Variants in CXCL5 observed in about 807,000 individuals in gnomAD.
CXCL5 encodes C-X-C motif chemokine 5.
Under a neutral mutation model 12.1 loss-of-function variants are expected in CXCL5, and 13 were observed. The observed-to-expected ratio is 1.08, with a 90% CI of 0.70 to 1.71. The LOEUF is 1.71. Among genes scored for constraint, CXCL5 ranks in the 40% most tolerant of loss-of-function variants. The probability of loss-of-function intolerance (pLI) is 0.00; values close to 1 mark genes in which losing one functional copy is unlikely to be tolerated. For synonymous variants in CXCL5, 67 were observed against 59.0 expected (o/e 1.14, Z -0.62); for missense variants, 159 against 142.4 (o/e 1.12, Z -0.59).
At position 73,998,505 on chromosome 4, in the gene CXCL5, A is replaced by T; in HGVS notation, c.77T>A (p.Leu26Gln). 1 of 1,597,890 alleles carries T rather than the reference A, an allele frequency of 6.3e-7. No homozygotes were observed. The highest frequency in any genetic ancestry group is 8.5e-7 in the Non-Finnish European group (1 of 1,171,842). Residue 26 changes from leucine to glutamine, a missense_variant, in exon 1 of 4, where the codon CTG becomes CAG. By Grantham distance (113) the Leu-to-Gln change is moderately radical. Transcript: ENST00000296027. ...SSLCALLVLL[L>Q]LLTQPGPIAS... The stretch of plus-strand genomic sequence containing the variant: ...GATGGGCCCTGGCTGCGTCAGCAGC[A>T]GCAGCAGCACCAACAGCGCGCACAA...
chr4:73,997,912 G>T, intron 3 of CXCL5, 100 bp downstream of exon 3: 1 of 1,118,918 alleles, frequency 8.9e-7, no homozygotes, highest in Non-Finnish European at 1.3e-6. Context: ...TTCTAAACAT[G>T]AAAAGTGTTA....
intron 3 of CXCL5, 132 bp from the exon 4 acceptor site, chr4:73,997,787 C>T: frequency 1.3e-6 from 1 of 797,662 alleles, no homozygotes; most frequent in Non-Finnish European, 2.0e-6. Context: ...AATGGGTAAA[C>T]AAAAAACATA....
rs185169235 is a variant in CXCL5 at position 73,998,646 on chromosome 4, A to C, written c.-65T>G. The C allele has an allele frequency of 1.0e-4, 145 of 1,405,656 alleles. No homozygotes were observed. The East Asian group carries it at 3.2e-3, about 31-fold the overall frequency. The allele number at this position is 1,405,656 out of a possible 1,614,324, so 87.1% of individuals were successfully genotyped here. ...AACTGGGTGGAGGAGCGGAGATTGGAGGAGCGAAGATTGGAGGATCCGGAG... is the reference window on the plus strand; with the variant it reads ...AACTGGGTGGAGGAGCGGAGATTGGCGGAGCGAAGATTGGAGGATCCGGAG... On this transcript the variant is annotated 5_prime_UTR_variant, in exon 1 of 4. Coordinates refer to ENST00000296027, the MANE Select transcript of CXCL5 (RefSeq NM_002994.5).
Position 73,998,548 on chromosome 4 carries a change from G to C in CXCL5, c.34C>G (p.Pro12Ala). The change falls in exon 1 of 4, where the codon CCC becomes GCC. Residue 12 changes from proline (P) to alanine (A), a missense_variant. Physicochemically the swap from Pro to Ala is conservative, Grantham distance 27 (BLOSUM62 -1). Transcript: ENST00000296027. Reference sequence around the variant, plus strand: ...GCGCACAAGGAGCTCGAAGGACCGGGGACACGGGCCGCGCGGCTGGACAGG... The same window carrying C: ...GCGCACAAGGAGCTCGAAGGACCGGCGACACGGGCCGCGCGGCTGGACAGG... ...SLLSSRAARV[P>A]GPSSSLCALL... The C allele has an allele frequency of 6.3e-7, 1 of 1,593,852 alleles. No individual in the cohort carries two copies. The highest frequency in any genetic ancestry group is 8.5e-7 in the Non-Finnish European group (1 of 1,169,992).
intron 3 of CXCL5, 63 bp downstream of exon 3, chr4:73,997,949 T>C: frequency 7.6e-7 from 1 of 1,312,498 alleles, no homozygotes; most frequent in Non-Finnish European, 1.1e-6. Context: ...AATAAAGACC[T>C]TGTGAAGTCT....
chr4:73,998,295 A>G lies in CXCL5; in HGVS notation c.153T>C (p.Cys51=). ...GATGAACTCCTTGCGTGGTCTGTAA[A>G]CAAACGCAACGCAGCTCTCTCAACA... ...AAVLRELRCV[C]LQTTQGVHPK... Residue 51 remains cysteine (C), a synonymous_variant, in exon 2 of 4, where the codon TGT becomes TGC. Coordinates refer to ENST00000296027, the MANE Select transcript of CXCL5 (RefSeq NM_002994.5). 1 of 1,614,210 alleles carries G rather than the reference A, an allele frequency of 6.2e-7. No individual in the cohort carries two copies. The highest frequency in any genetic ancestry group is 8.5e-7 in the Non-Finnish European group (1 of 1,180,036).
intron 3 of CXCL5, 78 bp downstream of exon 3, chr4:73,997,934 C>T: frequency 8.2e-7 from 1 of 1,226,740 alleles, no homozygotes; most frequent in Non-Finnish European, 1.2e-6. Flanking sequence ...TTAAATCGTA[C>T]AGAGAATAAA....
At chr4:73,997,718 T>A in intron 3 of CXCL5, 63 bp from the exon 4 acceptor site, 7 of 1,313,340 alleles carry the variant, frequency 5.3e-6, no homozygotes, top group Non-Finnish European at 7.5e-6. Flanking sequence ...TCCACCCTTG[T>A]CAAAACTCAG....
chr4:73,997,786 A>G, intron 3 of CXCL5, 131 bp from the exon 4 acceptor site: 1 of 800,690 alleles, frequency 1.2e-6, no homozygotes, highest in Non-Finnish European at 2.0e-6. Context: ...CAATGGGTAA[A>G]CAAAAAACAT....
In CXCL5 at chr4:73,996,634, C is replaced by G. The variant is rs1719201211; in HGVS notation, c.*1003G>C. On this transcript the variant is annotated 3_prime_UTR_variant, in exon 4 of 4. Coordinates refer to ENST00000296027, the MANE Select transcript of CXCL5 (RefSeq NM_002994.5). ...AACATTCCAAGCTCTCTCTGGTCCC[C>G]TATCCAAGGAGAAATGCTAGGGCCT... The G allele has an allele frequency of 6.6e-6, 1 of 152,426 alleles. No individual in the cohort carries two copies. The highest frequency in any genetic ancestry group is 1.5e-5 in the Non-Finnish European group (1 of 68,018). 9.4% of individuals were successfully genotyped at this position (152,426 alleles called of 1,614,324 possible). A position where few individuals can be genotyped will look rare whatever the true frequency, so the allele number is the denominator to read the frequency against.
rs1224496473 is a variant in CXCL5, at chr4:73,997,194, A to C, written c.*443T>G. ...CTTATAAAAGTGAAGATAACAGTGT[A>C]TTTCCATCAACAGAATTCTTATGAA... On this transcript the variant is annotated 3_prime_UTR_variant, in exon 4 of 4. Coordinates refer to ENST00000296027, the MANE Select transcript of CXCL5 (RefSeq NM_002994.5). 1 of 156,338 alleles carries C rather than the reference A, an allele frequency of 6.4e-6. No homozygotes were observed. Among genetic ancestry groups the C allele is most frequent in the Non-Finnish European group, 1.4e-5 (1 of 70,978 alleles). 9.7% of individuals were successfully genotyped at this position (156,338 alleles called of 1,614,324 possible). A position where few individuals can be genotyped will look rare whatever the true frequency, so the allele number is the denominator to read the frequency against.
rs931790466 is a variant in CXCL5, at chr4:73,996,542, A to G, written c.*1095T>C. On this transcript the variant is annotated 3_prime_UTR_variant, in exon 4 of 4. Transcript: ENST00000296027. Reference sequence around the variant, plus strand: ...TGATTTTGGAAAATCTAACCCATACAGAGGGATAAAAAATTGACATCCCTT... The same window carrying G: ...TGATTTTGGAAAATCTAACCCATACGGAGGGATAAAAAATTGACATCCCTT... 20 of 152,442 alleles carry G rather than the reference A, an allele frequency of 1.3e-4. No individual in the cohort carries two copies. The highest frequency in any genetic ancestry group is 3.9e-4 in the African/African-American group (16 of 41,374). The allele number at this position is 152,442 out of a possible 1,614,324, so 9.4% of individuals were successfully genotyped here.
At position 73,998,647 on chromosome 4, in the gene CXCL5, G is replaced by A; in HGVS notation, c.-66C>T. The A allele has an allele frequency of 7.1e-7, 1 of 1,403,202 alleles. No individual in the cohort carries two copies. The highest frequency in any genetic ancestry group is 9.9e-7 in the Non-Finnish European group (1 of 1,012,698). 86.9% of individuals were successfully genotyped at this position (1,403,202 alleles called of 1,614,324 possible). A position where few individuals can be genotyped will look rare whatever the true frequency, so the allele number is the denominator to read the frequency against. On this transcript the variant is annotated 5_prime_UTR_variant, in exon 1 of 4. Transcript: ENST00000296027. Reference sequence around the variant, plus strand: ...ACTGGGTGGAGGAGCGGAGATTGGAGGAGCGAAGATTGGAGGATCCGGAGC... The same window carrying A: ...ACTGGGTGGAGGAGCGGAGATTGGAAGAGCGAAGATTGGAGGATCCGGAGC...
rs2109819974 is a variant in CXCL5, at chr4:73,998,399, CA to C, written c.110-62del. On this transcript the variant is annotated intron_variant, in intron 1 of 3. Transcript: ENST00000296027. ...GTTGCTGGGAGAGTTCCCTGGAACG[CA>C]GCGACCCCGCAGAGGCTGGGATGCA... 13 of 1,608,722 alleles carry C rather than the reference CA, an allele frequency of 8.1e-6. No individual in the cohort carries two copies. In the South Asian group the frequency reaches 1.4e-4, roughly 18 times the overall value.
At position 73,997,675 on chromosome 4, in the gene CXCL5, A is replaced by G; in HGVS notation, c.327-20T>C. The G allele has an allele frequency of 6.3e-7, 1 of 1,592,714 alleles. No individual in the cohort carries two copies. The highest frequency in any genetic ancestry group is 8.6e-7 in the Non-Finnish European group (1 of 1,163,020). ...TTTCCACTGTTGAGAAAAATGTTAT[A>G]TTAGTTTAACCATTTTTCACACTCC... is the stretch of plus-strand genomic sequence containing the variant. On this transcript the variant is annotated intron_variant, in intron 3 of 3. Coordinates refer to ENST00000296027, the MANE Select transcript of CXCL5 (RefSeq NM_002994.5).
At position 73,996,525 on chromosome 4, in the gene CXCL5, G is replaced by A. The variant is rs2109818766; in HGVS notation, c.*1112C>T. ...TGGCCTTCTTCAAATTATGATTTTGGAAAATCTAACCCATACAGAGGGATA... is the reference window on the plus strand; with the variant it reads ...TGGCCTTCTTCAAATTATGATTTTGAAAAATCTAACCCATACAGAGGGATA... On this transcript the variant is annotated 3_prime_UTR_variant, in exon 4 of 4. Transcript: ENST00000296027. 6.6e-6 allele frequency: 1 copy of A among 152,518 alleles called. No homozygotes were observed. The highest frequency in any genetic ancestry group is 1.5e-5 in the Non-Finnish European group (1 of 67,990). 9.4% of individuals were successfully genotyped at this position (152,518 alleles called of 1,614,324 possible).
Position 73,996,684 on chromosome 4 carries a change from T to C in CXCL5, c.*953A>G, listed in dbSNP as rs1477635851. The C allele has an allele frequency of 4.6e-5, 7 of 152,618 alleles. No individual in the cohort carries two copies. Among genetic ancestry groups the C allele is most frequent in the Admixed American group, 3.3e-4 (5 of 15,278 alleles). The allele number at this position is 152,618 out of a possible 1,614,324, so 9.5% of individuals were successfully genotyped here. ...TCGAGGATGTCGCTATATATTTTTA[T>C]AACTAAATGATAAATTTATATTCAA... On this transcript the variant is annotated 3_prime_UTR_variant, in exon 4 of 4. Coordinates refer to ENST00000296027, the MANE Select transcript of CXCL5 (RefSeq NM_002994.5).
Position 73,997,656 on chromosome 4 carries a change from C to T in CXCL5, c.327-1G>A. On this transcript the variant is annotated splice_acceptor_variant, in intron 3 of 3. Transcript: ENST00000296027. LOFTEE classifies it high-confidence loss of function. ...TCTTAATCAGTTTTCCTTGTTTCCACTGTTGAGAAAAATGTTATATTAGTT... is the reference window on the plus strand; with the variant it reads ...TCTTAATCAGTTTTCCTTGTTTCCATTGTTGAGAAAAATGTTATATTAGTT... 2 of 1,607,844 alleles carry T rather than the reference C, an allele frequency of 1.2e-6. No homozygotes were observed. The highest frequency in any genetic ancestry group is 1.7e-4 in the Middle Eastern group (1 of 6,044).
chr4:73,997,343 T>C lies in CXCL5; in HGVS notation c.*294A>G, dbSNP rs1319884881. On this transcript the variant is annotated 3_prime_UTR_variant, in exon 4 of 4. Transcript: ENST00000296027. ...AGATTAACAGCCAGTGATTCCTGGCTCACACTATAGTCAATTGCCAAAACT... is the reference window on the plus strand; with the variant it reads ...AGATTAACAGCCAGTGATTCCTGGCCCACACTATAGTCAATTGCCAAAACT... 1 of 338,150 alleles carries C rather than the reference T, an allele frequency of 3.0e-6. No homozygotes were observed. The highest frequency in any genetic ancestry group is 5.3e-6 in the Non-Finnish European group (1 of 189,884). 20.9% of individuals were successfully genotyped at this position (338,150 alleles called of 1,614,324 possible).
Sources: gnomAD v4.1 joint callset for allele counts on GRCh38, gnomAD v4.1.1 for gene constraint, MANE v1.5 for transcripts, NCBI Gene and HGNC (gene_info 2026-07-23, HGNC 2026-07-21) for gene names.